Variants in SNRPA1 observed in about 807,000 individuals in gnomAD.
SNRPA1 encodes the protein U2 small nuclear ribonucleoprotein A'.
SNRPA1 carries 5 observed loss-of-function variants against 32.3 expected under a neutral mutation model. The observed-to-expected ratio is 0.15, with a 90% confidence interval of 0.08 to 0.33. SNRPA1 has a LOEUF of 0.33. Ranked by LOEUF, SNRPA1 falls within the 10% of genes least tolerant of loss-of-function variation. SNRPA1 has a pLI of 1.00. For missense variants in SNRPA1, 198 were observed against 311.1 expected, an observed-to-expected ratio of 0.64 and a Z score of 2.74; for synonymous variants, 111 against 120.1, an observed-to-expected ratio of 0.92 and a Z score of 0.50.
chr15:101,285,717 C>T lies in SNRPA1; in HGVS notation c.615+9G>A. 1 of 1,603,036 alleles carries T rather than the reference C, an allele frequency of 6.2e-7. No individual in the cohort carries two copies. Among genetic ancestry groups the T allele is most frequent in the Non-Finnish European group, 8.5e-7 (1 of 1,169,892 alleles). On this transcript the variant is annotated intron_variant, in intron 7 of 8. Transcript: ENST00000254193. The stretch of plus-strand genomic sequence containing the variant: ...TCATTCCAGTCCAAGAATCCTAACA[C>T]ATGATTACCTTGATTGCTTCTACAT...
intron 1 of SNRPA1, among the ~76,000 whole-genome samples, chr15:101,293,673 C>T (rs1460328317): frequency 6.6e-6 from 1 of 152,180 alleles, no homozygotes; most frequent in Non-Finnish European, 1.5e-5. Flanking sequence ...CTCCCCTCCC[C>T]CAGCTCCAAT....
At chr15:101,292,940 C>T (rs915704265) in intron 2 of SNRPA1, 85 bp downstream of exon 2, 17 of 789,890 alleles carry the variant, frequency 2.2e-5, no homozygotes, top group African/African-American at 1.9e-4. Context: ...GTAGGTTTAA[C>T]CAGTAGCACG....
chr15:101,286,415 A>C, intron 5 of SNRPA1, 122 bp from the exon 6 acceptor site: 1 of 728,240 alleles, frequency 1.4e-6, no homozygotes, highest in South Asian at 2.1e-5. Context: ...AAATACCAAA[A>C]AGCAATTTCA....
intron 8 of SNRPA1, among the ~76,000 whole-genome samples, chr15:101,283,191 C>T (rs1008964955): frequency 3.3e-5 from 5 of 152,162 alleles, no homozygotes; most frequent in Non-Finnish European, 7.3e-5. Context: ...CAGTTCTACC[C>T]ACTATTGCTC....
intron 3 of SNRPA1, among the ~76,000 whole-genome samples, chr15:101,289,346 A>G (rs190739956): frequency 6.6e-6 from 1 of 152,374 alleles, no homozygotes; most frequent in South Asian, 2.1e-4. Flanking sequence ...GTCATGGTAC[A>G]GTGATCTTAA....
At chr15:101,291,007 T>C (rs1025583217) in intron 3 of SNRPA1, among the ~76,000 whole-genome samples, 3 of 152,160 alleles carry the variant, frequency 2.0e-5, no homozygotes, top group Non-Finnish European at 4.4e-5. Context: ...CCCAAAGTGC[T>C]GGGATTACAG....
At chr15:101,291,819 C>T in intron 3 of SNRPA1, 143 bp downstream of exon 3, 1 of 559,900 alleles carries the variant, frequency 1.8e-6, no homozygotes. Context: ...GCTGCAGAAC[C>T]CAAAAGGCCC....
At chr15:101,284,507 CTT>C (rs58361573) in intron 8 of SNRPA1, among the ~76,000 whole-genome samples, 90 of 142,600 alleles carry the variant, frequency 6.3e-4, no homozygotes, top group African/African-American at 1.8e-3. Flanking sequence ...CATGAAATAC[CTT>C]TTTTTTTTTT....
chr15:101,294,859 G>A, intron 1 of SNRPA1: 1 of 420,534 alleles, frequency 2.4e-6, no homozygotes, highest in Non-Finnish European at 4.2e-6. Flanking sequence ...AGGAAGTAAT[G>A]AAGTCACCCG....
intron 3 of SNRPA1, chr15:101,289,925 C>CAAAACAAAAAAAAAAAAA (rs2039501237): frequency 1.4e-5 from 1 of 70,022 alleles, no homozygotes; most frequent in Non-Finnish European, 2.7e-5. Flanking sequence ...CACTCCATCT[C>CAAAACAAAAAAAAAAAAA]AAAAAAAAAA....
At chr15:101,293,341 A>G in intron 1 of SNRPA1, 169 bp from the exon 2 acceptor site, 1 of 498,952 alleles carries the variant, frequency 2.0e-6, no homozygotes, top group Non-Finnish European at 3.6e-6. Context: ...TTAAGATACT[A>G]GAGAGAAAAC....
chr15:101,282,079 T>C (rs1344547598), intron 8 of SNRPA1, among the ~76,000 whole-genome samples: 1 of 152,276 alleles, frequency 6.6e-6, no homozygotes, highest in African/African-American at 2.4e-5. Context: ...TATACTCATG[T>C]GCTTTTCATG....
At chr15:101,284,897 T>C in intron 8 of SNRPA1, 70 bp downstream of exon 8, 1 of 1,135,618 alleles carries the variant, frequency 8.8e-7, no homozygotes, top group Non-Finnish European at 1.3e-6. Context: ...AGTCATGGCA[T>C]CTAAATGGTT....
intron 1 of SNRPA1, 83 bp from the exon 2 acceptor site, chr15:101,293,255 ATC>A: frequency 1.1e-6 from 1 of 917,090 alleles, no homozygotes; most frequent in South Asian, 2.0e-5. Context: ...ATTTCATAGT[ATC>A]TGACTCCAGG....
At chr15:101,284,485 C>T (rs1229259009) in intron 8 of SNRPA1, among the ~76,000 whole-genome samples, 1 of 150,824 alleles carries the variant, frequency 6.6e-6, no homozygotes, top group African/African-American at 2.5e-5. Context: ...AGTGCTGTAA[C>T]TTAACTTTCT....
chr15:101,287,817 C>T, intron 3 of SNRPA1, 115 bp from the exon 4 acceptor site: 1 of 873,910 alleles, frequency 1.1e-6, no homozygotes, highest in Non-Finnish European at 1.9e-6. Flanking sequence ...AATTTTTACT[C>T]TCTAGCAACA....
At chr15:101,291,502 A>G (rs1383422313) in intron 3 of SNRPA1, among the ~76,000 whole-genome samples, 1 of 147,446 alleles carries the variant, frequency 6.8e-6, no homozygotes, top group Non-Finnish European at 1.5e-5. Context: ...ATATAAAAAA[A>G]TTACTGAGAT....
intron 3 of SNRPA1, 42 bp downstream of exon 3, chr15:101,291,920 T>G (rs760861122): frequency 8.9e-5 from 118 of 1,321,600 alleles, no homozygotes; most frequent in Non-Finnish European, 1.3e-4. Context: ...ATAGTACCTT[T>G]AACCCCACCC....
intron 8 of SNRPA1, among the ~76,000 whole-genome samples, chr15:101,284,054 A>C (rs952738869): frequency 2.6e-5 from 4 of 152,244 alleles, no homozygotes; most frequent in African/African-American, 9.6e-5. Flanking sequence ...ATTCATATCA[A>C]AACTTGTAAG....
Sources: gnomAD v4.1 joint callset for allele counts (sites outside exome capture counted in the v4.1 genomes callset) on GRCh38, gnomAD v4.1.1 for gene constraint, MANE v1.5 for transcripts, NCBI Gene and HGNC (gene_info 2026-07-23, HGNC 2026-07-21) for gene names.